LSAMP: variants seen among roughly 807,000 people sequenced by gnomAD.
LSAMP encodes limbic system-associated membrane protein.
Under a neutral mutation model 38.6 loss-of-function variants are expected in LSAMP, and 7 were observed. The ratio of observed to expected loss-of-function variants is 0.18; its 90% CI spans 0.10 to 0.34. The LOEUF (loss-of-function observed/expected upper bound fraction) is 0.34, where lower values mean the gene tolerates loss of function less well. LSAMP is among the 10% of genes least tolerant of loss of function. The pLI is 1.00. For missense variants in LSAMP, 313 were observed against 420.0 expected, an observed-to-expected ratio of 0.75 and a Z score of 2.23; for synonymous variants, 154 against 166.8, an observed-to-expected ratio of 0.92 and a Z score of 0.59.
rs576344794 is a variant in LSAMP at position 116,084,467 on chromosome 3, A to C, written c.388+1857T>G. On this transcript the variant is annotated intron_variant, in intron 2 of 6. Coordinates refer to ENST00000490035, the MANE Select transcript of LSAMP (RefSeq NM_002338.5). ...TTTAAAATCATGGCAAAAAAAAAAA[A>C]AAAACCAAAAAAAACCAAAAAACTC... Among the ~76,000 whole-genome samples the C allele has an allele frequency of 1.1e-4, 16 of 148,764 alleles. No individual in the cohort carries two copies. In the South Asian group the frequency reaches 2.5e-3, roughly 23 times the overall value.
chr3:116,138,241 T>G (rs1709292779), intron 1 of LSAMP, among the ~76,000 whole-genome samples: 1 of 152,122 alleles, frequency 6.6e-6, no homozygotes, highest in African/African-American at 2.4e-5. Context: ...CTTTTAGTCA[T>G]TCAACAAACA....
At chr3:116,178,177 T>C (rs1312468118) in intron 1 of LSAMP, among the ~76,000 whole-genome samples, 2 of 152,102 alleles carry the variant, frequency 1.3e-5, no homozygotes, top group Admixed American at 1.3e-4. Flanking sequence ...ACTTAATTTT[T>C]ATTTATTTTG....
Position 116,390,681 on chromosome 3 carries a change from ATGACAT to A in LSAMP, c.155+54190_155+54195del, listed in dbSNP as rs369057931. ...GGGATGGAGGTTGTAGTGAGCCCAC[ATGACAT>A]TGACATTGCACCACTGTACTCCAGC... On this transcript the variant is annotated intron_variant, in intron 1 of 6. Transcript: ENST00000490035. 2.6e-3 allele frequency among the ~76,000 whole-genome samples: 390 copies of A among 147,348 alleles called. 1 individual carries two copies. Among genetic ancestry groups the A allele is most frequent in the African/African-American group, 9.4e-3 (370 of 39,452 alleles).
At chr3:116,289,143 T>G (rs2047229647) in intron 1 of LSAMP, among the ~76,000 whole-genome samples, 1 of 152,108 alleles carries the variant, frequency 6.6e-6, no homozygotes, top group African/African-American at 2.4e-5. Context: ...AGAGAAAGCC[T>G]AACACAAAAG....
intron 3 of LSAMP, among the ~76,000 whole-genome samples, chr3:115,954,653 T>A (rs1414828872): frequency 1.3e-5 from 2 of 152,220 alleles, no homozygotes; most frequent in Non-Finnish European, 2.9e-5. Flanking sequence ...GGCAATGTGT[T>A]TTTAACCAAA....
intron 2 of LSAMP, among the ~76,000 whole-genome samples, chr3:116,079,683 A>G (rs1707831657): frequency 6.6e-6 from 1 of 151,534 alleles, no homozygotes; most frequent in African/African-American, 2.4e-5. Context: ...TATTTTGTAT[A>G]CTTAAATTGT....
chr3:116,261,983 T>C (rs1373199714), intron 1 of LSAMP, among the ~76,000 whole-genome samples: 3 of 151,718 alleles, frequency 2.0e-5, no homozygotes, highest in Non-Finnish European at 2.9e-5. Flanking sequence ...AGGGTTTTTA[T>C]ACTTTATGTG....
At chr3:116,202,454 CT>C (rs994225989) in intron 1 of LSAMP, among the ~76,000 whole-genome samples, 2 of 151,428 alleles carry the variant, frequency 1.3e-5, no homozygotes, top group Non-Finnish European at 2.9e-5. Context: ...GTTTCCTTCT[CT>C]TTTTTTTGAG....
intron 1 of LSAMP, among the ~76,000 whole-genome samples, chr3:116,312,620 C>T (rs2047571882): frequency 6.6e-6 from 1 of 152,030 alleles, no homozygotes; most frequent in Non-Finnish European, 1.5e-5. Context: ...GTTAGATATG[C>T]CAGAGCATGC....
intron 1 of LSAMP, among the ~76,000 whole-genome samples, chr3:116,088,879 A>G (rs1708052965): frequency 6.6e-6 from 1 of 152,234 alleles, no homozygotes; most frequent in African/African-American, 2.4e-5. Context: ...CTAATCTAGG[A>G]TAAAACAGGC....
intron 1 of LSAMP, among the ~76,000 whole-genome samples, chr3:116,123,395 T>C (rs1257374604): frequency 6.6e-6 from 1 of 152,222 alleles, no homozygotes; most frequent in Non-Finnish European, 1.5e-5. Context: ...CTTCTCACAA[T>C]GCATATGAAA....
At chr3:116,132,410 G>A (rs1206801808) in intron 1 of LSAMP, among the ~76,000 whole-genome samples, 2 of 146,620 alleles carry the variant, frequency 1.4e-5, no homozygotes, top group Non-Finnish European at 3.0e-5. Context: ...AAATGCAAAA[G>A]GTCAAGTGGC....
chr3:115,853,412 T>C (rs1216570320), intron 3 of LSAMP, among the ~76,000 whole-genome samples: 3 of 152,192 alleles, frequency 2.0e-5, no homozygotes, highest in African/African-American at 7.2e-5. Flanking sequence ...TAAATATTAT[T>C]GGCTTAAAAG....
intron 1 of LSAMP, among the ~76,000 whole-genome samples, chr3:116,348,723 T>C (rs1428571312): frequency 6.6e-6 from 1 of 152,166 alleles, no homozygotes; most frequent in African/African-American, 2.4e-5. Context: ...TCTTTTCTTT[T>C]AACCTATTAC....
chr3:116,056,481 C>A (rs536599353), intron 2 of LSAMP, among the ~76,000 whole-genome samples: 5 of 152,120 alleles, frequency 3.3e-5, no homozygotes, highest in Admixed American at 2.6e-4. Flanking sequence ...GCCTAAGTAA[C>A]CCAGATATGT....
intron 1 of LSAMP, among the ~76,000 whole-genome samples, chr3:116,274,872 T>C (rs1255940349): frequency 2.0e-5 from 3 of 151,564 alleles, no homozygotes; most frequent in Non-Finnish European, 4.4e-5. Context: ...GCAAAATTCA[T>C]CTAGTTCATC....
chr3:116,354,507 C>T (rs754847301), intron 1 of LSAMP, among the ~76,000 whole-genome samples: 2 of 152,116 alleles, frequency 1.3e-5, no homozygotes, highest in Non-Finnish European at 2.9e-5. Context: ...AGTGGCTTTC[C>T]CTTGGCAATG....
intron 1 of LSAMP, among the ~76,000 whole-genome samples, chr3:116,229,625 C>T (rs977514252): frequency 2.0e-5 from 3 of 152,048 alleles, no homozygotes; most frequent in African/African-American, 7.2e-5. Context: ...TTAATATACA[C>T]TTTCAAAAAT....
At chr3:115,998,504 C>A (rs755177920) in intron 3 of LSAMP, among the ~76,000 whole-genome samples, 71 of 152,046 alleles carry the variant, frequency 4.7e-4, no homozygotes, top group Middle Eastern at 3.4e-3. Context: ...TTTCAGTGGT[C>A]ACTAGACCAC....
Sources: gnomAD v4.1 joint callset for allele counts (sites outside exome capture counted in the v4.1 genomes callset) on GRCh38, gnomAD v4.1.1 for gene constraint, MANE v1.5 for transcripts, NCBI Gene and HGNC (gene_info 2026-07-23, HGNC 2026-07-21) for gene names.